The following ASIC2 variants were observed in gnomAD, a reference collection of about 807,000 sequenced individuals.
ASIC2 encodes acid sensing ion channel subunit 2.
Under a neutral mutation model 57.3 loss-of-function variants are expected in ASIC2, and 25 were observed. The ratio of observed to expected loss-of-function variants is 0.44; its 90% CI spans 0.32 to 0.61. ASIC2 has a LOEUF of 0.61. Among genes scored for constraint, ASIC2 ranks in the 20% least tolerant of loss-of-function variants. ASIC2 has a pLI of 0.06. For missense variants in ASIC2, 641 were observed against 738.1 expected, an observed-to-expected ratio of 0.87 and a Z score of 1.52; for synonymous variants, 319 against 307.5, an observed-to-expected ratio of 1.04 and a Z score of -0.39.
chr17:33,843,973 C>A (rs1373478237), intron 1 of ASIC2, among the ~76,000 whole-genome samples: 2 of 152,198 alleles, frequency 1.3e-5, no homozygotes, highest in Admixed American at 6.5e-5. Flanking sequence ...GAGGCTGTGT[C>A]TCTGTGCTGT....
intron 1 of ASIC2, among the ~76,000 whole-genome samples, chr17:33,862,327 A>G (rs909747369): frequency 6.6e-6 from 1 of 152,176 alleles, no homozygotes; most frequent in South Asian, 2.1e-4. Flanking sequence ...TCCTCACAAA[A>G]TCATCGTAGA....
chr17:33,469,788 A>G (rs117093405), intron 1 of ASIC2, among the ~76,000 whole-genome samples: 15 of 152,178 alleles, frequency 9.9e-5, no homozygotes, highest in Non-Finnish European at 2.2e-4. Context: ...CTTGAAGAGG[A>G]AATATGGTCA....
intron 1 of ASIC2, among the ~76,000 whole-genome samples, chr17:34,008,229 G>GAA (rs1459502837): frequency 6.6e-6 from 1 of 152,176 alleles, no homozygotes. Flanking sequence ...TTCTCAGGGA[G>GAA]ATGGCACTAT....
intron 3 of ASIC2, among the ~76,000 whole-genome samples, chr17:33,045,220 C>T (rs960588400): frequency 6.6e-6 from 1 of 152,194 alleles, no homozygotes; most frequent in Non-Finnish European, 1.5e-5. Flanking sequence ...TCCTAGGTAT[C>T]ACTAGCAGGT....
At chr17:33,910,968 A>T (rs1328286626) in intron 1 of ASIC2, among the ~76,000 whole-genome samples, 1 of 152,198 alleles carries the variant, frequency 6.6e-6, no homozygotes, top group Non-Finnish European at 1.5e-5. Context: ...GAGAAAACAG[A>T]GGAAGCCCAG....
At chr17:33,519,170 A>G (rs772101694) in intron 1 of ASIC2, among the ~76,000 whole-genome samples, 88 of 152,358 alleles carry the variant, frequency 5.8e-4, no homozygotes, top group Non-Finnish European at 9.8e-4. Flanking sequence ...AGGCAGCCAC[A>G]GCACAGAGAG....
intron 2 of ASIC2, among the ~76,000 whole-genome samples, chr17:33,111,420 G>A (rs1380265447): frequency 6.6e-6 from 1 of 152,150 alleles, no homozygotes; most frequent in Non-Finnish European, 1.5e-5. Flanking sequence ...GTCTCCCAGG[G>A]GCTTACATAG....
chr17:33,201,448 G>A (rs1020475169), intron 1 of ASIC2, among the ~76,000 whole-genome samples: 1 of 152,188 alleles, frequency 6.6e-6, no homozygotes, highest in African/African-American at 2.4e-5. Context: ...AGAGGCAAAA[G>A]CACCTCTCCA....
At chr17:33,278,421 G>T (rs182357335) in intron 1 of ASIC2, among the ~76,000 whole-genome samples, 1 of 152,030 alleles carries the variant, frequency 6.6e-6, no homozygotes, top group East Asian at 1.9e-4. Flanking sequence ...GCTGAGGCAG[G>T]AGGATCACCT....
At chr17:33,765,665 G>A (rs562558405) in intron 1 of ASIC2, among the ~76,000 whole-genome samples, 54 of 152,310 alleles carry the variant, frequency 3.5e-4, no homozygotes, top group African/African-American at 1.2e-3. Context: ...TGGAATCTTG[G>A]AGTGGAACAC....
chr17:33,873,868 C>T (rs1215400880), intron 1 of ASIC2, among the ~76,000 whole-genome samples: 2 of 152,182 alleles, frequency 1.3e-5, no homozygotes, highest in East Asian at 3.9e-4. Flanking sequence ...TAGTCTATGG[C>T]CCCAACTCCC....
At chr17:33,162,809 T>C (rs973098134) in intron 1 of ASIC2, among the ~76,000 whole-genome samples, 6 of 152,188 alleles carry the variant, frequency 3.9e-5, no homozygotes, top group Non-Finnish European at 8.8e-5. Flanking sequence ...TTCTCTTCCT[T>C]CCTGGTAGCA....
intron 1 of ASIC2, among the ~76,000 whole-genome samples, chr17:33,847,673 G>A (rs1913649204): frequency 6.6e-6 from 1 of 152,136 alleles, no homozygotes; most frequent in Non-Finnish European, 1.5e-5. Context: ...TCTTCTGCAT[G>A]CCAGGGTGCA....
intron 1 of ASIC2, among the ~76,000 whole-genome samples, chr17:33,593,961 C>G (rs1047839454): frequency 1.4e-4 from 21 of 152,232 alleles, no homozygotes; most frequent in African/African-American, 4.8e-4. Flanking sequence ...AAGGGCCAGA[C>G]AGCACCTAGT....
At chr17:33,188,135 G>C (rs1906275682) in intron 1 of ASIC2, among the ~76,000 whole-genome samples, 1 of 151,890 alleles carries the variant, frequency 6.6e-6, no homozygotes, top group African/African-American at 2.4e-5. Context: ...GACATAAAAA[G>C]GACCCAAAGA....
At chr17:33,113,978 G>T (rs1432630385) in intron 1 of ASIC2, among the ~76,000 whole-genome samples, 1 of 152,180 alleles carries the variant, frequency 6.6e-6, no homozygotes, top group African/African-American at 2.4e-5. Context: ...TTTCTCATCA[G>T]TCCATCAATA....
intron 1 of ASIC2, among the ~76,000 whole-genome samples, chr17:33,703,332 TGTTGCTG>T (rs1302626776): frequency 3.3e-5 from 5 of 151,666 alleles, no homozygotes. Flanking sequence ...TTTTTTTTTT[TGTTGCTG>T]TTGTTGTTGT....
chr17:33,177,324 T>C (rs990146083), intron 1 of ASIC2, among the ~76,000 whole-genome samples: 5 of 152,202 alleles, frequency 3.3e-5, no homozygotes, highest in African/African-American at 9.7e-5. Context: ...GGAGCTCCTA[T>C]ATTACTGAGT....
intron 1 of ASIC2, among the ~76,000 whole-genome samples, chr17:33,139,024 C>G (rs1233537214): frequency 1.3e-5 from 2 of 152,028 alleles, no homozygotes; most frequent in African/African-American, 4.8e-5. Flanking sequence ...CATGTCTGGG[C>G]CTCATTTTCC....
Sources: gnomAD v4.1 joint callset for allele counts (sites outside exome capture counted in the v4.1 genomes callset) on GRCh38, gnomAD v4.1.1 for gene constraint, MANE v1.5 for transcripts, NCBI Gene and HGNC (gene_info 2026-07-23, HGNC 2026-07-21) for gene names.